Variants in RNF150 observed in about 807,000 individuals in gnomAD.
The protein encoded by RNF150 is ring finger protein 150.
In RNF150, 24 loss-of-function variants were observed where a neutral mutation model predicts 39.3. The observed-to-expected ratio is 0.61, with a 90% CI of 0.44 to 0.86. The LOEUF is 0.86. Ranked by LOEUF, RNF150 falls within the 40% of genes least tolerant of loss-of-function variation. RNF150 has a pLI of 0.00. For missense variants in RNF150, 502 were observed against 587.8 expected (o/e 0.85, Z 1.51); for synonymous variants, 255 against 227.3 (o/e 1.12, Z -1.10).
chr4:140,965,203 T>C (rs1437697150), intron 2 of RNF150, among the ~76,000 whole-genome samples: 1 of 152,090 alleles, frequency 6.6e-6, no homozygotes, highest in Non-Finnish European at 1.5e-5. Context: ...ACCTCACACC[T>C]GTTAGGACGT....
chr4:141,077,252 A>C (rs1269151232), intron 1 of RNF150, among the ~76,000 whole-genome samples: 4 of 152,244 alleles, frequency 2.6e-5, no homozygotes, highest in African/African-American at 9.6e-5. Flanking sequence ...TGGAATCAAC[A>C]AATAGTTTCA....
At chr4:140,964,348 GGGC>G (rs199647825) in intron 2 of RNF150, among the ~76,000 whole-genome samples, 3,322 of 152,058 alleles carry the variant, frequency 0.022, 104 homozygotes, top group African/African-American at 0.056. Flanking sequence ...GTTTATTATG[GGGC>G]TAGTATCTAT....
chr4:140,946,873 T>C (rs963233812), intron 4 of RNF150, among the ~76,000 whole-genome samples: 1 of 152,216 alleles, frequency 6.6e-6, no homozygotes, highest in African/African-American at 2.4e-5. Flanking sequence ...CATAATTCTA[T>C]TTTTATTTTT....
chr4:140,936,020 A>T (rs977562929), intron 4 of RNF150, among the ~76,000 whole-genome samples: 1 of 152,234 alleles, frequency 6.6e-6, no homozygotes, highest in African/African-American at 2.4e-5. Flanking sequence ...TTGAATTTCA[A>T]ATGGAATCAT....
At chr4:140,959,650 C>T (rs112604182) in intron 2 of RNF150, among the ~76,000 whole-genome samples, 1,716 of 152,204 alleles carry the variant, frequency 0.011, 38 homozygotes, top group African/African-American at 0.037. Flanking sequence ...AACAGTTAAC[C>T]TCGAACAGGG....
intron 1 of RNF150, among the ~76,000 whole-genome samples, chr4:141,093,328 T>C (rs1237163843): frequency 7.1e-6 from 1 of 141,098 alleles, no homozygotes; most frequent in East Asian, 2.1e-4. Context: ...ATCACACCAC[T>C]GCACTCCAGC....
rs557033771 is a variant in RNF150, at chr4:141,105,491, C to A, written c.484+26834G>T. Among the ~76,000 whole-genome samples, 186 of 152,270 alleles carry A rather than the reference C, an allele frequency of 1.2e-3. 2 individuals carry two copies. Among genetic ancestry groups the A allele is most frequent in the African/African-American group, 4.3e-3 (180 of 41,568 alleles). On this transcript the variant is annotated intron_variant, in intron 1 of 6. Transcript: ENST00000515673. Reference sequence around the variant, plus strand: ...TTAGCTTTCCTCTAACCAAAATGTTCTTTTCTTGCCACCAATCTCCCAAAT... The same window carrying A: ...TTAGCTTTCCTCTAACCAAAATGTTATTTTCTTGCCACCAATCTCCCAAAT...
At chr4:141,101,717 T>C (rs911596943) in intron 1 of RNF150, among the ~76,000 whole-genome samples, 2 of 152,172 alleles carry the variant, frequency 1.3e-5, no homozygotes, top group African/African-American at 4.8e-5. Context: ...TGTGTTATGC[T>C]ATGACTTTAC....
At chr4:141,063,633 C>T (rs949014032) in intron 1 of RNF150, among the ~76,000 whole-genome samples, 1 of 152,016 alleles carries the variant, frequency 6.6e-6, no homozygotes, top group Non-Finnish European at 1.5e-5. Flanking sequence ...TGGGGGTGGA[C>T]GTTGTTTTAT....
At chr4:141,046,657 G>T (rs559320781) in intron 1 of RNF150, among the ~76,000 whole-genome samples, 385 of 152,166 alleles carry the variant, frequency 2.5e-3, no homozygotes, top group African/African-American at 9.1e-3. Context: ...TTTTATTTTG[G>T]TTTTTGCCAG....
intron 1 of RNF150, among the ~76,000 whole-genome samples, chr4:141,113,135 T>G (rs1739440802): frequency 6.6e-6 from 1 of 152,036 alleles, no homozygotes; most frequent in South Asian, 2.1e-4. Flanking sequence ...CTAATCTTTT[T>G]TCAAGGTTCT....
chr4:140,911,396 C>T (rs748512073), intron 5 of RNF150, 42 bp from the exon 6 acceptor site: 8 of 1,534,858 alleles, frequency 5.2e-6, no homozygotes, highest in Non-Finnish European at 7.2e-6. Context: ...ACATGTCATC[C>T]ACTTAGAGAT....
In RNF150 at chr4:141,027,912, G is replaced by GTTTTTTGTTTTTT. The variant is rs1560696593; in HGVS notation, c.485-60040_485-60039insAAAAAACAAAAAA. The stretch of plus-strand genomic sequence containing the variant: ...TAGATAGTTAATGAGCTTGGAATTT[G>GTTTTTTGTTTTTT]TTTTTTTTTTTTTGTTTTTTTTTTT... On this transcript the variant is annotated intron_variant, in intron 1 of 6. Transcript: ENST00000515673. Among the ~76,000 whole-genome samples the GTTTTTTGTTTTTT allele has an allele frequency of 1.8e-4, 5 of 27,102 alleles. 1 individual carries two copies. The highest frequency in any genetic ancestry group is 1.7e-4 in the Non-Finnish European group (2 of 11,596). The allele number at this position is 27,102 out of a possible 152,430, so 17.8% of individuals were successfully genotyped here.
At chr4:141,000,087 G>GAGAAGGAGAAGAAGAAGAAGAAGGAGA in intron 1 of RNF150, among the ~76,000 whole-genome samples, 1 of 35,936 alleles carries the variant, frequency 2.8e-5, no homozygotes, top group East Asian at 1.2e-3. Context: ...GAAGAAGAAG[G>GAGAAGGAGAAGAAGAAGAAGAAGGAGA]AGAAGAAGAA....
chr4:141,145,800 A>G (rs909104711), intron 1 of RNF150, among the ~76,000 whole-genome samples: 5 of 152,220 alleles, frequency 3.3e-5, no homozygotes, highest in Non-Finnish European at 7.3e-5. Context: ...TTGGATGACT[A>G]TATCTTATGG....
intron 1 of RNF150, among the ~76,000 whole-genome samples, chr4:141,039,608 C>G (rs974688750): frequency 6.6e-6 from 1 of 152,052 alleles, no homozygotes; most frequent in Non-Finnish European, 1.5e-5. Flanking sequence ...TGCACACATC[C>G]CTAACTGAGA....
At chr4:141,187,047 C>G (rs1044362713) in intron 1 of RNF150, among the ~76,000 whole-genome samples, 2 of 152,164 alleles carry the variant, frequency 1.3e-5, no homozygotes, top group African/African-American at 4.8e-5. Context: ...GCTTCTGGTA[C>G]ATTGTGTCTT....
At chr4:141,088,572 C>T (rs879861820) in intron 1 of RNF150, among the ~76,000 whole-genome samples, 7 of 151,944 alleles carry the variant, frequency 4.6e-5, no homozygotes, top group Admixed American at 1.3e-4. Flanking sequence ...AATTCAACTA[C>T]GTCTTTTTTT....
At chr4:141,117,036 T>A (rs1239512829) in intron 1 of RNF150, among the ~76,000 whole-genome samples, 1 of 151,950 alleles carries the variant, frequency 6.6e-6, no homozygotes, top group Non-Finnish European at 1.5e-5. Context: ...TTAGGAGAAA[T>A]ACCTAATTAG....
Sources: allele counts gnomAD v4.1 joint callset (sites outside exome capture counted in the v4.1 genomes callset), GRCh38; gene constraint gnomAD v4.1.1; transcripts MANE v1.5; gene names NCBI Gene and HGNC (gene_info 2026-07-23, HGNC 2026-07-21).